Variants in UNC13C observed in about 807,000 individuals in gnomAD.
UNC13C encodes the protein unc-13 homolog C.
UNC13C carries 174 observed loss-of-function variants against 245.4 expected under a neutral mutation model. The ratio of observed to expected loss-of-function variants is 0.71; its 90% confidence interval spans 0.63 to 0.80. The LOEUF is 0.80. UNC13C is among the 30% of genes least tolerant of loss of function. UNC13C has a pLI of 0.00. For synonymous variants in UNC13C, 992 were observed against 895.1 expected (o/e 1.11, Z -1.93); for missense variants, 2,829 against 2,602.9 (o/e 1.09, Z -1.89).
intron 23 of UNC13C, 47 bp from the exon 24 acceptor site, chr15:54,511,706 T>G (rs1214902395): frequency 7.4e-7 from 1 of 1,348,382 alleles, no homozygotes; most frequent in Admixed American, 2.2e-5. Context: ...TTCAATAATT[T>G]TATATAAAAA....
the UNC13C span, among the ~76,000 whole-genome samples, chr15:53,893,861 CGGTTCCGTCTCGCTGACATTCGA>C: frequency 1.3e-5 from 2 of 152,266 alleles, no homozygotes; most frequent in African/African-American, 4.8e-5. Context: ...GGGGAGTGAA[CGGTTCCGTCTCGCTGACATTCGA>C]GGTACCACTG....
chr15:54,077,146 C>T (rs893206821), intron 2 of UNC13C, among the ~76,000 whole-genome samples: 8 of 151,874 alleles, frequency 5.3e-5, no homozygotes, highest in African/African-American at 1.9e-4. Flanking sequence ...ATTTATGGGT[C>T]TCAAAAAACC....
chr15:54,397,822 A>G (rs1438353709), intron 18 of UNC13C, among the ~76,000 whole-genome samples: 2 of 151,402 alleles, frequency 1.3e-5, no homozygotes, highest in Admixed American at 6.6e-5. Context: ...ATACAAATAT[A>G]TATCTTCAGC....
intron 19 of UNC13C, among the ~76,000 whole-genome samples, chr15:54,431,352 G>C (rs1033334827): frequency 6.6e-6 from 1 of 151,078 alleles, no homozygotes; most frequent in Admixed American, 6.6e-5. Flanking sequence ...TACTTTTTCT[G>C]TGCCTTCACA....
At position 54,187,958 on chromosome 15, in the gene UNC13C, C is replaced by T. The variant is rs2034051320; in HGVS notation, c.3071+44274C>T. Among the ~76,000 whole-genome samples the T allele has an allele frequency of 3.3e-5, 5 of 152,014 alleles. No individual in the cohort carries two copies. In the South Asian group the frequency reaches 8.3e-4, roughly 25 times the overall value. On this transcript the variant is annotated intron_variant, in intron 4 of 32. Transcript: ENST00000260323. ...CCAAGTAGCTGGGATTGCAGGCGCC[C>T]ACCACCCCACCACCATGCACGGATA...
At chr15:54,182,012 T>A (rs1196634154) in intron 4 of UNC13C, among the ~76,000 whole-genome samples, 1 of 151,500 alleles carries the variant, frequency 6.6e-6, no homozygotes, top group Admixed American at 6.6e-5. Flanking sequence ...TTTGCCTATT[T>A]TATTGCCTTT....
At chr15:54,276,703 A>T (rs1024769331) in intron 10 of UNC13C, among the ~76,000 whole-genome samples, 3 of 152,126 alleles carry the variant, frequency 2.0e-5, no homozygotes, top group Non-Finnish European at 4.4e-5. Context: ...CTATATAAAA[A>T]GTCATTACTC....
chr15:54,197,513 G>A (rs1402805206), intron 4 of UNC13C, among the ~76,000 whole-genome samples: 1 of 151,956 alleles, frequency 6.6e-6, no homozygotes, highest in African/African-American at 2.4e-5. Flanking sequence ...ACGCTGGATA[G>A]GTTTAATATA....
At chr15:54,231,547 C>T (rs971805247) in intron 4 of UNC13C, among the ~76,000 whole-genome samples, 2 of 151,672 alleles carry the variant, frequency 1.3e-5, no homozygotes, top group African/African-American at 2.4e-5. Context: ...GTACCTATAC[C>T]TCATAAGATT....
chr15:53,872,411 T>A, the UNC13C span, among the ~76,000 whole-genome samples: 1 of 152,150 alleles, frequency 6.6e-6, no homozygotes, highest in Admixed American at 6.6e-5. Context: ...ATGGTAGTCA[T>A]AATCTAGGTT....
the UNC13C span, among the ~76,000 whole-genome samples, chr15:53,844,615 T>G: frequency 5.3e-5 from 8 of 152,126 alleles, no homozygotes; most frequent in Non-Finnish European, 8.8e-5. Flanking sequence ...GGGCTGACTT[T>G]CAGGTTCTTG....
intron 19 of UNC13C, among the ~76,000 whole-genome samples, chr15:54,444,358 A>G (rs1890691346): frequency 6.6e-6 from 1 of 151,248 alleles, no homozygotes; most frequent in Non-Finnish European, 1.5e-5. Flanking sequence ...ATACATATAT[A>G]TGTATATGAC....
intron 14 of UNC13C, among the ~76,000 whole-genome samples, chr15:54,328,768 A>G (rs149827458): frequency 1.3e-5 from 2 of 152,084 alleles, no homozygotes; most frequent in African/African-American, 4.8e-5. Context: ...TAACTCACCA[A>G]CTGGTTTTGT....
intron 2 of UNC13C, among the ~76,000 whole-genome samples, chr15:54,083,712 A>G (rs1251950176): frequency 6.6e-6 from 1 of 152,068 alleles, no homozygotes; most frequent in Admixed American, 6.6e-5. Context: ...GGGGCAGCCT[A>G]CACCAAGGGT....
the UNC13C span, among the ~76,000 whole-genome samples, chr15:53,875,480 G>A: frequency 6.6e-6 from 1 of 152,136 alleles, no homozygotes; most frequent in African/African-American, 2.4e-5. Context: ...GACAATAGCA[G>A]GAGGTTGCTG....
intron 18 of UNC13C, among the ~76,000 whole-genome samples, chr15:54,412,503 C>T (rs2040436703): frequency 6.6e-6 from 1 of 152,170 alleles, no homozygotes; most frequent in Admixed American, 6.5e-5. Flanking sequence ...GTAGGGATTA[C>T]AGTTTGAGAT....
chr15:54,266,218 T>A (rs1052524718), intron 10 of UNC13C, among the ~76,000 whole-genome samples: 6 of 152,028 alleles, frequency 3.9e-5, no homozygotes, highest in African/African-American at 1.4e-4. Flanking sequence ...ATAGCTTATT[T>A]GGGAATGTGG....
intron 19 of UNC13C, among the ~76,000 whole-genome samples, chr15:54,485,361 G>A (rs1473216677): frequency 6.6e-6 from 1 of 152,290 alleles, no homozygotes; most frequent in Non-Finnish European, 1.5e-5. Context: ...CTGGTCTCAG[G>A]TTATTTAGTA....
intron 2 of UNC13C, among the ~76,000 whole-genome samples, chr15:54,104,123 T>C (rs1900313000): frequency 6.6e-6 from 1 of 152,244 alleles, no homozygotes; most frequent in Non-Finnish European, 1.5e-5. Flanking sequence ...AGCGAGCCCA[T>C]GTTTGGACCC....
Sources: allele counts gnomAD v4.1 joint callset (sites outside exome capture counted in the v4.1 genomes callset), GRCh38; gene constraint gnomAD v4.1.1; transcripts MANE v1.5; gene names NCBI Gene and HGNC (gene_info 2026-07-23, HGNC 2026-07-21).